ARMC3: variants seen among roughly 807,000 people sequenced by gnomAD.
ARMC3 encodes the protein armadillo repeat-containing protein 3.
In ARMC3, 74 loss-of-function variants were observed where a neutral mutation model predicts 90.3. The observed-to-expected ratio is 0.82, with a 90% CI of 0.68 to 0.99. ARMC3 has a LOEUF of 0.99. ARMC3 is among the 50% of genes least tolerant of loss of function. The pLI is 0.00. For synonymous variants in ARMC3, 334 were observed against 361.8 expected, an observed-to-expected ratio of 0.92 and a Z score of 0.87; for missense variants, 958 against 1,042.8, an observed-to-expected ratio of 0.92 and a Z score of 1.12.
rs1047049565 is a variant in ARMC3, at chr10:22,939,839, C to G, written c.49-6305C>G. ...GAGGTAAAATGGGATACTAAAAAAA[C>G]CCAATCAACTGAAAAAAGGCAGAAT... On this transcript the variant is annotated intron_variant, in intron 2 of 18. Coordinates refer to ENST00000298032, the MANE Select transcript of ARMC3 (RefSeq NM_173081.5). 1.3e-5 allele frequency among the ~76,000 whole-genome samples: 2 copies of G among 151,926 alleles called. 1 individual carries two copies. Among genetic ancestry groups the G allele is most frequent in the Admixed American group, 1.3e-4 (2 of 15,236 alleles).
rs1838975584 is a variant in ARMC3, at chr10:23,032,978, A to T, written c.2364A>T (p.Gly788=). 1 of 1,613,136 alleles carries T rather than the reference A, an allele frequency of 6.2e-7. No homozygotes were observed. The highest frequency in any genetic ancestry group is 1.7e-5 in the Admixed American group (1 of 59,952). The change falls in exon 18 of 19, where the codon GGA becomes GGT. Residue 788 remains glycine (G), a synonymous_variant. Transcript: ENST00000298032. The stretch of plus-strand genomic sequence containing the variant: ...TTAAATCCAATGTTATACCGATTGG[A>T]CATGTCAAAAAAGGAATCTTCTACC... The part of the protein sequence containing the change: ...FQLKSNVIPI[G]HVKKGIFYHR...
chr10:22,951,066 T>TA (rs1834723147), intron 3 of ARMC3, among the ~76,000 whole-genome samples: 1 of 151,816 alleles, frequency 6.6e-6, no homozygotes, highest in Non-Finnish European at 1.5e-5. Flanking sequence ...GCCTCCCAAG[T>TA]AGCTGGGACT....
chr10:23,008,437 T>A, intron 15 of ARMC3, 63 bp downstream of exon 15: 1 of 934,494 alleles, frequency 1.1e-6, no homozygotes, highest in East Asian at 2.7e-5. Flanking sequence ...TGTGAAAAAA[T>A]GTTTTAGATT....
In ARMC3 at chr10:23,037,321, G is replaced by C. The variant is rs552203970; in HGVS notation, c.2461G>C (p.Gly821Arg). 2 of 1,613,598 alleles carry C rather than the reference G, an allele frequency of 1.2e-6. No homozygotes were observed. Among genetic ancestry groups the C allele is most frequent in the East Asian group, 4.5e-5 (2 of 44,862 alleles). The change falls in exon 19 of 19, where the codon GGT (glycine) becomes CGT (arginine). Residue 821 changes from glycine to arginine, a missense_variant. Coordinates refer to ENST00000298032, the MANE Select transcript of ARMC3 (RefSeq NM_173081.5). The part of the protein sequence containing the change: ...IGCSLVRGEY[G>R]RAWNEVMLQN... Reference sequence around the variant, plus strand: ...TTGCTCCCTAGTTCGCGGAGAGTACGGTAGAGCGTGGAATGAAGTCATGCT... The same window carrying C: ...TTGCTCCCTAGTTCGCGGAGAGTACCGTAGAGCGTGGAATGAAGTCATGCT...
intron 11 of ARMC3, 71 bp downstream of exon 11, chr10:22,998,468 T>C: frequency 6.4e-7 from 1 of 1,556,228 alleles, no homozygotes; most frequent in Non-Finnish European, 8.7e-7. Flanking sequence ...ATTGGAAACA[T>C]TTTTAAGTGA....
chr10:22,961,884 G>A lies in ARMC3; in HGVS notation c.538G>A (p.Asp180Asn), dbSNP rs995739980. The stretch of plus-strand genomic sequence containing the variant: ...ATTGATCATCTGTATTTTGTGGCAG[G>A]ATTTTCAGTGTCGAGCTAAACTTCA... ...SMECIYNLVQ[D>N]FQCRAKLQEL... The change falls in exon 7 of 19, where the codon GAT (aspartate) becomes AAT (asparagine). Residue 180 changes from aspartate (D) to asparagine (N), a missense_variant and splice_region_variant. By Grantham distance (23) the Asp-to-Asn change is conservative. Coordinates refer to ENST00000298032, the MANE Select transcript of ARMC3 (RefSeq NM_173081.5). 1.3e-6 allele frequency: 2 copies of A among 1,596,522 alleles called. No homozygotes were observed.
Position 23,030,618 on chromosome 10 carries a change from G to A in ARMC3, c.2068G>A (p.Glu690Lys). The A allele has an allele frequency of 6.2e-7, 1 of 1,613,284 alleles. No homozygotes were observed. The highest frequency in any genetic ancestry group is 8.5e-7 in the Non-Finnish European group (1 of 1,179,636). The change falls in exon 17 of 19, where the codon GAG (glutamate) becomes AAG (lysine). Residue 690 changes from glutamate to lysine, a missense_variant. Coordinates refer to ENST00000298032, the MANE Select transcript of ARMC3 (RefSeq NM_173081.5). ...GWRKSKGKKE[E>K]EKVKEEEEVM... is the part of the protein sequence containing the mutation. ...AAGGAAAAGCAAAGGAAAAAAAGAA[G>A]AGGAAAAAGTGAAAGAGGAGGAAGA... is the stretch of plus-strand genomic sequence containing the variant.
intron 8 of ARMC3, among the ~76,000 whole-genome samples, chr10:22,979,992 T>TA (rs945493212): frequency 2.6e-5 from 4 of 152,220 alleles, no homozygotes; most frequent in African/African-American, 4.8e-5. Flanking sequence ...TGGTGCCATC[T>TA]AAACGTGATA....
intron 17 of ARMC3, among the ~76,000 whole-genome samples, chr10:23,032,097 T>C (rs1838944559): frequency 6.6e-6 from 1 of 152,112 alleles, no homozygotes; most frequent in African/African-American, 2.4e-5. Context: ...TCTTTATAAA[T>C]ACAAATTAAA....
intron 2 of ARMC3, among the ~76,000 whole-genome samples, chr10:22,942,171 A>G (rs1834349352): frequency 6.6e-6 from 1 of 152,210 alleles, no homozygotes; most frequent in African/African-American, 2.4e-5. Flanking sequence ...AAACAGAGGG[A>G]GTAAATGGAC....
At chr10:23,013,605 T>G (rs1838125588) in intron 16 of ARMC3, among the ~76,000 whole-genome samples, 1 of 152,238 alleles carries the variant, frequency 6.6e-6, no homozygotes, top group Non-Finnish European at 1.5e-5. Flanking sequence ...TTTCATTTTT[T>G]GTAGTTTCAT....
At chr10:22,968,241 A>T in intron 7 of ARMC3, 65 bp from the exon 8 acceptor site, 1 of 1,437,038 alleles carries the variant, frequency 7.0e-7, no homozygotes, top group Non-Finnish European at 9.7e-7. Context: ...TTCCTCTTGT[A>T]GTCAAATTTG....
chr10:23,028,072 G>T (rs952528037), intron 16 of ARMC3, among the ~76,000 whole-genome samples: 1 of 152,196 alleles, frequency 6.6e-6, no homozygotes, highest in Non-Finnish European at 1.5e-5. Context: ...AGCACTGGAA[G>T]TTTGAGGCTA....
At position 22,929,440 on chromosome 10, in the gene ARMC3, G is replaced by A. The variant is rs192724452; in HGVS notation, c.-2+1334G>A. 3.2e-4 allele frequency among the ~76,000 whole-genome samples: 49 copies of A among 152,288 alleles called. 2 individuals carry two copies. Among genetic ancestry groups the A allele is most frequent in the Admixed American group, 2.7e-3 (42 of 15,292 alleles). On this transcript the variant is annotated intron_variant, in intron 1 of 18. Coordinates refer to ENST00000298032, the MANE Select transcript of ARMC3 (RefSeq NM_173081.5). ...TTTTCCAAATTCTCCACAGTGAAAT[G>A]TATTACCCTTGTAAGGATCATCTCC...
chr10:23,019,070 A>G (rs1038391205), intron 16 of ARMC3, among the ~76,000 whole-genome samples: 1 of 152,236 alleles, frequency 6.6e-6, no homozygotes, highest in Non-Finnish European at 1.5e-5. Flanking sequence ...AGTGGAAAGT[A>G]GAGAAAGTAA....
At chr10:22,989,021 C>T (rs969661009) in intron 10 of ARMC3, among the ~76,000 whole-genome samples, 2 of 152,240 alleles carry the variant, frequency 1.3e-5, no homozygotes, top group Admixed American at 1.3e-4. Flanking sequence ...CGGAGAGTTC[C>T]ATTTTCTAAC....
rs1837644254 is a variant in ARMC3 at position 23,006,938 on chromosome 10, A to G, written c.1786A>G (p.Ser596Gly). Reference sequence around the variant, plus strand: ...GAAGGAGCTCTGCTTACAAGAACCAAGTGACCTACGGGCTGTACTCTTAAT... The same window carrying G: ...GAAGGAGCTCTGCTTACAAGAACCAGGTGACCTACGGGCTGTACTCTTAAT... ...PLKELCLQEPSDLRAVLLINS... is the reference protein window; with the variant it reads ...PLKELCLQEPGDLRAVLLINS... The change falls in exon 14 of 19, where the codon AGT becomes GGT. Residue 596 changes from serine (S) to glycine (G), a missense_variant. Transcript: ENST00000298032. 6.2e-7 allele frequency: 1 copy of G among 1,613,780 alleles called. No homozygotes were observed. The highest frequency in any genetic ancestry group is 1.1e-5 in the South Asian group (1 of 91,042).
At chr10:22,989,600 G>C (rs574214030) in intron 10 of ARMC3, among the ~76,000 whole-genome samples, 1 of 152,090 alleles carries the variant, frequency 6.6e-6, no homozygotes, top group Non-Finnish European at 1.5e-5. Context: ...GTTTTTAGGA[G>C]GTTTTGTTTT....
chr10:23,020,249 T>TC, intron 16 of ARMC3, among the ~76,000 whole-genome samples: 1 of 152,188 alleles, frequency 6.6e-6, no homozygotes, highest in Non-Finnish European at 1.5e-5. Context: ...TGCTTTAGCC[T>TC]CCCGAGTAGC....
Sources: allele counts gnomAD v4.1 joint callset (sites outside exome capture counted in the v4.1 genomes callset), GRCh38; gene constraint gnomAD v4.1.1; transcripts MANE v1.5; gene names NCBI Gene and HGNC (gene_info 2026-07-23, HGNC 2026-07-21).